Variants in IFT80 observed in about 807,000 individuals in gnomAD.
The protein encoded by IFT80 is intraflagellar transport protein 80 homolog.
IFT80 carries 79 observed loss-of-function variants against 107.9 expected under a neutral mutation model. The ratio of observed to expected loss-of-function variants is 0.73; its 90% CI spans 0.61 to 0.88. The LOEUF is 0.88. Among genes scored for constraint, IFT80 ranks in the 40% least tolerant of loss-of-function variants. IFT80 has a pLI of 0.00. For missense variants in IFT80, 797 were observed against 914.2 expected (o/e 0.87, Z 1.65); for synonymous variants, 299 against 300.9 (o/e 0.99, Z 0.07).
At chr3:160,298,091 C>A (rs1331542999) in intron 12 of IFT80, among the ~76,000 whole-genome samples, 2 of 152,074 alleles carry the variant, frequency 1.3e-5, no homozygotes, top group Non-Finnish European at 2.9e-5. Flanking sequence ...AGTACTTAAT[C>A]AATCACCAAA....
At chr3:160,390,901 G>A (rs1187251937) in intron 1 of IFT80, among the ~76,000 whole-genome samples, 3 of 152,182 alleles carry the variant, frequency 2.0e-5, no homozygotes. Context: ...TTGGGGACTG[G>A]CTAAAACACA....
intron 1 of IFT80, among the ~76,000 whole-genome samples, chr3:160,385,001 G>A (rs1011887907): frequency 2.6e-5 from 4 of 152,172 alleles, no homozygotes; most frequent in Non-Finnish European, 5.9e-5. Context: ...CTGTCTATTG[G>A]ATACAAATAT....
At chr3:160,324,117 T>G (rs1337977108) in intron 8 of IFT80, among the ~76,000 whole-genome samples, 1 of 152,152 alleles carries the variant, frequency 6.6e-6, no homozygotes, top group Non-Finnish European at 1.5e-5. Flanking sequence ...CAACAGGATC[T>G]GAAATTGTGG....
chr3:160,265,795 A>C (rs1713267703), intron 19 of IFT80, among the ~76,000 whole-genome samples: 3 of 152,212 alleles, frequency 2.0e-5, no homozygotes, highest in African/African-American at 7.2e-5. Flanking sequence ...CAAAATCACC[A>C]GATATCTAGA....
chr3:160,375,967 T>A, intron 4 of IFT80, 87 bp from the exon 5 acceptor site: 1 of 808,620 alleles, frequency 1.2e-6, no homozygotes, highest in Non-Finnish European at 2.1e-6. Flanking sequence ...ATCAACAGTA[T>A]CTACCGCATA....
chr3:160,354,570 G>A (rs1199764343), intron 8 of IFT80, among the ~76,000 whole-genome samples: 2 of 152,060 alleles, frequency 1.3e-5, no homozygotes, highest in Admixed American at 6.6e-5. Context: ...GGAGAATGGC[G>A]TGAACCTGGT....
intron 8 of IFT80, among the ~76,000 whole-genome samples, chr3:160,334,805 CTT>C (rs35098077): frequency 1.4e-3 from 202 of 144,704 alleles, no homozygotes; most frequent in African/African-American, 1.6e-3. Flanking sequence ...ACTCTCATAG[CTT>C]TTTTTTTTTT....
At chr3:160,336,292 T>C (rs1351964253) in intron 8 of IFT80, among the ~76,000 whole-genome samples, 1 of 152,178 alleles carries the variant, frequency 6.6e-6, no homozygotes, top group Non-Finnish European at 1.5e-5. Context: ...ATCAAATAAT[T>C]TAAATCACTG....
At chr3:160,301,980 G>A (rs1716461789) in intron 11 of IFT80, among the ~76,000 whole-genome samples, 1 of 151,834 alleles carries the variant, frequency 6.6e-6, no homozygotes, top group Non-Finnish European at 1.5e-5. Flanking sequence ...CCTTAGTACA[G>A]CTTCTAGAAG....
At chr3:160,275,512 T>C (rs541389766) in intron 18 of IFT80, among the ~76,000 whole-genome samples, 9 of 152,342 alleles carry the variant, frequency 5.9e-5, no homozygotes, top group Non-Finnish European at 1.0e-4. Flanking sequence ...ACATTACCTT[T>C]ACATAGTAGG....
At chr3:160,288,336 A>G (rs571215274) in intron 12 of IFT80, among the ~76,000 whole-genome samples, 8 of 152,280 alleles carry the variant, frequency 5.3e-5, no homozygotes, top group Admixed American at 3.3e-4. Context: ...CCGTTTCAAA[A>G]ACAAAAAACA....
In IFT80 at chr3:160,258,408, A is replaced by G; in HGVS notation, c.*117T>C. On this transcript the variant is annotated 3_prime_UTR_variant, in exon 20 of 20. Coordinates refer to ENST00000326448, the MANE Select transcript of IFT80 (RefSeq NM_020800.3). ...TGTACTTTTACACTAAATACACAGC[A>G]AGTACTTATACTCGGTTAAAGATTA... 8.3e-7 allele frequency: 1 copy of G among 1,210,454 alleles called. No homozygotes were observed. Among genetic ancestry groups the G allele is most frequent in the Non-Finnish European group, 1.2e-6 (1 of 843,142 alleles). 75.0% of individuals were successfully genotyped at this position (1,210,454 alleles called of 1,614,324 possible). A position where few individuals can be genotyped will look rare whatever the true frequency, so the allele number is the denominator to read the frequency against.
chr3:160,336,156 T>C (rs569819894), intron 8 of IFT80, among the ~76,000 whole-genome samples: 34 of 152,344 alleles, frequency 2.2e-4, no homozygotes, highest in African/African-American at 8.2e-4. Context: ...CTTGGGTATA[T>C]ACCCAGGTAT....
chr3:160,382,327 A>G (rs978849996), intron 2 of IFT80, among the ~76,000 whole-genome samples: 2 of 152,100 alleles, frequency 1.3e-5, no homozygotes, highest in Admixed American at 1.3e-4. Flanking sequence ...TAAATTTTTC[A>G]TTTTATTTCT....
intron 12 of IFT80, among the ~76,000 whole-genome samples, chr3:160,292,022 C>T (rs1450320953): frequency 6.6e-6 from 1 of 152,212 alleles, no homozygotes; most frequent in African/African-American, 2.4e-5. Context: ...CTGCCCATGA[C>T]AGACTGCAGA....
At chr3:160,315,147 G>A (rs1359950318) in intron 9 of IFT80, among the ~76,000 whole-genome samples, 4 of 151,678 alleles carry the variant, frequency 2.6e-5, no homozygotes, top group African/African-American at 2.4e-5. Flanking sequence ...TTCTTGTGAG[G>A]TTTAGATTAG....
intron 5 of IFT80, among the ~76,000 whole-genome samples, chr3:160,374,679 T>C (rs1035071882): frequency 1.3e-5 from 2 of 152,314 alleles, no homozygotes; most frequent in East Asian, 1.9e-4. Flanking sequence ...TGTCACAAAG[T>C]GAGAATGTCA....
intron 8 of IFT80, among the ~76,000 whole-genome samples, chr3:160,324,397 C>T (rs1433754017): frequency 1.3e-5 from 2 of 152,004 alleles, no homozygotes; most frequent in African/African-American, 2.4e-5. Flanking sequence ...ACTGGCAAAA[C>T]GAATCCAGCA....
chr3:160,354,374 GC>G (rs1720915942), intron 8 of IFT80, among the ~76,000 whole-genome samples: 8 of 152,178 alleles, frequency 5.3e-5, no homozygotes, highest in Non-Finnish European at 1.0e-4. Context: ...CTTGGGCCGG[GC>G]TGGGTGGCTC....
Sources: allele counts gnomAD v4.1 joint callset (sites outside exome capture counted in the v4.1 genomes callset), GRCh38; gene constraint gnomAD v4.1.1; transcripts MANE v1.5; gene names NCBI Gene and HGNC (gene_info 2026-07-23, HGNC 2026-07-21).